TNNI3K: variants seen among roughly 807,000 people sequenced by gnomAD.
The protein encoded by TNNI3K is serine/threonine-protein kinase TNNI3K.
A neutral mutation model predicts 114.5 loss-of-function variants in TNNI3K; 140 were observed. That is an observed-to-expected ratio of 1.22 (90% CI 1.07 to 1.41). The LOEUF (loss-of-function observed/expected upper bound fraction) is 1.41. Ranked by LOEUF, TNNI3K falls within the 40% of genes most tolerant of loss-of-function variation. The probability of loss-of-function intolerance (pLI) is 0.00; values close to 1 mark genes in which losing one functional copy is unlikely to be tolerated. For missense variants in TNNI3K, 1,125 were observed against 1,007.6 expected (o/e 1.12, Z -1.58); for synonymous variants, 347 against 347.5 (o/e 1.00, Z 0.02).
At chr1:74,252,165 C>T (rs1288659055) in intron 4 of TNNI3K, among the ~76,000 whole-genome samples, 3 of 152,158 alleles carry the variant, frequency 2.0e-5, no homozygotes, top group African/African-American at 4.8e-5. Flanking sequence ...CATTGGCACA[C>T]AAATGGGTTC....
chr1:74,411,268 T>G (rs1387824067), intron 17 of TNNI3K, among the ~76,000 whole-genome samples: 1 of 152,220 alleles, frequency 6.6e-6, no homozygotes, highest in East Asian at 1.9e-4. Flanking sequence ...AGGCTCTATT[T>G]AACTGCTAAT....
chr1:74,258,604 A>G (rs544472447), intron 4 of TNNI3K, among the ~76,000 whole-genome samples: 3 of 152,320 alleles, frequency 2.0e-5, no homozygotes, highest in African/African-American at 7.2e-5. Context: ...ATTGCTTCCA[A>G]AATGATCAGA....
chr1:74,510,047 A>C (rs1670106352), intron 23 of TNNI3K, among the ~76,000 whole-genome samples: 1 of 151,862 alleles, frequency 6.6e-6, no homozygotes. Context: ...TTTCAATGTC[A>C]CAGATTTTCT....
At position 74,396,727 on chromosome 1, in the gene TNNI3K, T is replaced by G. The variant is rs572580413; in HGVS notation, c.1772+26335T>G. ...CTTAGGGAGCTAATAATTAGAGGGA[T>G]TAGAGTCCACTCCTAGGGCACAGAA... is the stretch of plus-strand genomic sequence containing the variant. On this transcript the variant is annotated intron_variant, in intron 17 of 24. Coordinates refer to ENST00000326637, the MANE Select transcript of TNNI3K (RefSeq NM_015978.3). Among the ~76,000 whole-genome samples, 593 of 152,214 alleles carry G rather than the reference T, an allele frequency of 3.9e-3. 3 individuals carry two copies. The highest frequency in any genetic ancestry group is 6.2e-3 in the Non-Finnish European group (421 of 68,020).
chr1:74,260,765 C>T (rs1471960524), intron 4 of TNNI3K, among the ~76,000 whole-genome samples: 1 of 151,920 alleles, frequency 6.6e-6, no homozygotes, highest in African/African-American at 2.4e-5. Context: ...GTAATCCTAA[C>T]AATATAAAAG....
At chr1:74,527,951 G>T (rs948171683) in intron 23 of TNNI3K, among the ~76,000 whole-genome samples, 4 of 152,142 alleles carry the variant, frequency 2.6e-5, no homozygotes, top group African/African-American at 9.7e-5. Flanking sequence ...AGAAGGAAAG[G>T]GTTTCCACAG....
At chr1:74,281,950 A>C (rs1570413763) in intron 5 of TNNI3K, among the ~76,000 whole-genome samples, 1 of 152,316 alleles carries the variant, frequency 6.6e-6, no homozygotes, top group East Asian at 1.9e-4. Flanking sequence ...TATTTTCAGA[A>C]CAATTATCAT....
At chr1:74,334,021 C>T (rs1041099874) in intron 6 of TNNI3K, among the ~76,000 whole-genome samples, 1 of 152,182 alleles carries the variant, frequency 6.6e-6, no homozygotes, top group Admixed American at 6.6e-5. Context: ...CAAGTTGGGG[C>T]TACCACTTTT....
intron 5 of TNNI3K, among the ~76,000 whole-genome samples, chr1:74,297,526 T>TGTGC (rs1316826680): frequency 3.4e-5 from 5 of 148,976 alleles, no homozygotes; most frequent in African/African-American, 1.2e-4. Flanking sequence ...TGTGTGCGTG[T>TGTGC]GTGTGTGTGT....
intron 23 of TNNI3K, among the ~76,000 whole-genome samples, chr1:74,524,119 G>A (rs1043977810): frequency 6.6e-6 from 1 of 152,240 alleles, no homozygotes; most frequent in Admixed American, 6.5e-5. Context: ...ACACAGTCCA[G>A]TAGTATTTGT....
chr1:74,284,188 G>A (rs1464335148), intron 5 of TNNI3K, among the ~76,000 whole-genome samples: 1 of 152,108 alleles, frequency 6.6e-6, no homozygotes, highest in Admixed American at 6.5e-5. Flanking sequence ...CTTTTCTCAG[G>A]GATGATTCAT....
intron 9 of TNNI3K, among the ~76,000 whole-genome samples, chr1:74,347,590 T>C (rs984574654): frequency 2.6e-5 from 4 of 152,208 alleles, no homozygotes; most frequent in African/African-American, 9.6e-5. Context: ...ACTTCCACAA[T>C]GGTTGAACTA....
intron 24 of TNNI3K, among the ~76,000 whole-genome samples, chr1:74,542,034 G>C (rs1014344576): frequency 5.3e-5 from 8 of 152,136 alleles, no homozygotes; most frequent in Non-Finnish European, 1.2e-4. Flanking sequence ...ATTCAGACTT[G>C]GTTCAGTCTT....
chr1:74,520,036 A>C (rs539559527), intron 23 of TNNI3K, among the ~76,000 whole-genome samples: 1 of 152,162 alleles, frequency 6.6e-6, no homozygotes, highest in Non-Finnish European at 1.5e-5. Flanking sequence ...TTTGGGGAAC[A>C]GGTGGTATTT....
chr1:74,410,823 C>T (rs185075385), intron 17 of TNNI3K, among the ~76,000 whole-genome samples: 22 of 152,294 alleles, frequency 1.4e-4, no homozygotes, highest in African/African-American at 4.8e-4. Flanking sequence ...TCAGTGGTGC[C>T]TTATGAGGAA....
intron 17 of TNNI3K, chr1:74,377,288 G>A (rs150365382): frequency 6.6e-6 from 1 of 151,966 alleles, no homozygotes; most frequent in African/African-American, 2.4e-5. Flanking sequence ...GTACATTTGT[G>A]TATCGACTTA....
intron 17 of TNNI3K, among the ~76,000 whole-genome samples, chr1:74,380,695 C>T (rs947274038): frequency 2.0e-5 from 3 of 152,124 alleles, no homozygotes; most frequent in African/African-American, 7.2e-5. Flanking sequence ...CTCTGTTTGG[C>T]TTCGTTTCTT....
intron 17 of TNNI3K, among the ~76,000 whole-genome samples, chr1:74,387,439 T>A (rs1258526498): frequency 6.6e-6 from 1 of 152,200 alleles, no homozygotes; most frequent in Non-Finnish European, 1.5e-5. Context: ...CACAAGAAAT[T>A]CCTGCTTTGA....
chr1:74,386,232 T>G (rs114877230), intron 17 of TNNI3K, among the ~76,000 whole-genome samples: 118 of 152,254 alleles, frequency 7.8e-4, no homozygotes, highest in African/African-American at 2.8e-3. Context: ...ACGTCTTTAT[T>G]AGCAGTGTGA....
Sources: gnomAD v4.1 joint callset for allele counts (sites outside exome capture counted in the v4.1 genomes callset) on GRCh38, gnomAD v4.1.1 for gene constraint, MANE v1.5 for transcripts, NCBI Gene and HGNC (gene_info 2026-07-23, HGNC 2026-07-21) for gene names.